Variants in TRPC4 observed in about 807,000 individuals in gnomAD.
TRPC4 encodes short transient receptor potential channel 4.
In TRPC4, 49 loss-of-function variants were observed where a neutral mutation model predicts 99.4. The ratio of observed to expected loss-of-function variants is 0.49; its 90% CI spans 0.39 to 0.63. The LOEUF (loss-of-function observed/expected upper bound fraction) is 0.63. TRPC4 is among the 20% of genes least tolerant of loss of function. TRPC4 has a pLI of 0.00. For synonymous variants in TRPC4, 454 were observed against 425.9 expected (o/e 1.07, Z -0.81); for missense variants, 898 against 1,152.9 (o/e 0.78, Z 3.20).
chr13:37,641,196 AG>A (rs1951706124), intron 8 of TRPC4, among the ~76,000 whole-genome samples: 1 of 152,196 alleles, frequency 6.6e-6, no homozygotes, highest in Non-Finnish European at 1.5e-5. Flanking sequence ...AAATATAAAA[AG>A]GTCAAAGACT....
At chr13:37,825,863 G>A (rs954965800) in intron 1 of TRPC4, among the ~76,000 whole-genome samples, 117 of 151,374 alleles carry the variant, frequency 7.7e-4, no homozygotes, top group African/African-American at 2.8e-3. Flanking sequence ...GTCTAATGTT[G>A]ACAGTGGGGT....
intron 1 of TRPC4, among the ~76,000 whole-genome samples, chr13:37,836,205 C>G (rs1041230988): frequency 2.6e-5 from 4 of 152,172 alleles, no homozygotes; most frequent in Non-Finnish European, 5.9e-5. Flanking sequence ...AAACCTCTTT[C>G]TTTTGTAAAT....
intron 2 of TRPC4, among the ~76,000 whole-genome samples, chr13:37,774,255 G>A (rs1471463459): frequency 6.6e-6 from 1 of 151,618 alleles, no homozygotes; most frequent in Non-Finnish European, 1.5e-5. Context: ...CACTCCTTCT[G>A]GGTGGGTTTT....
chr13:37,800,586 A>G (rs985176610), intron 1 of TRPC4, among the ~76,000 whole-genome samples: 14 of 152,130 alleles, frequency 9.2e-5, no homozygotes, highest in African/African-American at 3.1e-4. Context: ...GAAAATATGA[A>G]TGTATTACTG....
chr13:37,709,406 A>C (rs988228404), intron 3 of TRPC4, among the ~76,000 whole-genome samples: 2 of 152,046 alleles, frequency 1.3e-5, no homozygotes, highest in Non-Finnish European at 2.9e-5. Flanking sequence ...TACAGAATTA[A>C]TATTTAACAA....
intron 3 of TRPC4, among the ~76,000 whole-genome samples, chr13:37,729,890 G>C (rs1955188145): frequency 6.6e-6 from 1 of 152,060 alleles, no homozygotes. Context: ...GATGGAAGCA[G>C]TTCTAGAGTG....
At chr13:37,708,419 A>G (rs905610899) in intron 3 of TRPC4, among the ~76,000 whole-genome samples, 5 of 152,048 alleles carry the variant, frequency 3.3e-5, no homozygotes, top group African/African-American at 1.2e-4. Context: ...TAGTCAAAAT[A>G]TTTACTTATA....
Position 37,637,082 on chromosome 13 carries a change from G to C in TRPC4, c.2755C>G (p.Leu919Val), listed in dbSNP as rs747573040. Residue 919 changes from leucine (L) to valine (V), a missense_variant, in exon 11 of 11, where the codon CTG (leucine) becomes GTG (valine). Physicochemically the swap from Leu to Val is conservative, Grantham distance 32. Transcript: ENST00000379705. ...ACTCTCTTTCCTACCTGTAACCCCAGTGTGTCCGTATTCCTTTCTCTATGG... is the reference window on the plus strand; with the variant it reads ...ACTCTCTTTCCTACCTGTAACCCCACTGTGTCCGTATTCCTTTCTCTATGG... ...VDHRERNTDT[L>V]GLQVGKRVCP... 3.7e-6 allele frequency: 6 copies of C among 1,613,586 alleles called. No individual in the cohort carries two copies. In the Admixed American group the frequency reaches 1.0e-4, roughly 27 times the overall value.
chr13:37,812,191 A>AAAAAAAAAAAG (rs1282851092), intron 1 of TRPC4, among the ~76,000 whole-genome samples: 1 of 147,732 alleles, frequency 6.8e-6, no homozygotes, highest in Non-Finnish European at 1.5e-5. Flanking sequence ...AAAAAAAAAA[A>AAAAAAAAAAAG]AAAACCAGGA....
chr13:37,811,812 G>C (rs188805449), intron 1 of TRPC4, among the ~76,000 whole-genome samples: 81 of 152,070 alleles, frequency 5.3e-4, no homozygotes, highest in African/African-American at 1.7e-3. Flanking sequence ...TGCTTTGGTG[G>C]TAAGAAATAC....
intron 1 of TRPC4, among the ~76,000 whole-genome samples, chr13:37,809,206 T>A (rs1160671291): frequency 6.6e-6 from 1 of 152,088 alleles, no homozygotes; most frequent in East Asian, 1.9e-4. Context: ...CTTCCAATCC[T>A]TGGAAGGTTG....
Position 37,633,664 on chromosome 13 carries a change from G to A in TRPC4, c.*3239C>T, listed in dbSNP as rs142195396. Among the ~76,000 whole-genome samples, 3 of 152,068 alleles carry A rather than the reference G, an allele frequency of 2.0e-5. No individual in the cohort carries two copies. The highest frequency in any genetic ancestry group is 4.8e-5 in the African/African-American group (2 of 41,420). On this transcript the variant is annotated 3_prime_UTR_variant, in exon 11 of 11. Coordinates refer to ENST00000379705, the MANE Select transcript of TRPC4 (RefSeq NM_016179.4). The stretch of plus-strand genomic sequence containing the variant: ...CATCACTAAAGTATTTCAAGTTGCT[G>A]TCTACGTCAAGGCAAGAAAGTGAGT...
At chr13:37,741,833 C>G (rs7322652) in intron 3 of TRPC4, among the ~76,000 whole-genome samples, 6,573 of 151,592 alleles carry the variant, frequency 0.043, 491 homozygotes, top group African/African-American at 0.15. Context: ...ATGGTTAGAG[C>G]CAAGTTTTTG....
At chr13:37,854,020 G>A (rs943053669) in intron 1 of TRPC4, among the ~76,000 whole-genome samples, 2 of 151,962 alleles carry the variant, frequency 1.3e-5, no homozygotes, top group African/African-American at 2.4e-5. Flanking sequence ...TATTCAAAGG[G>A]GTAATATCCA....
intron 1 of TRPC4, among the ~76,000 whole-genome samples, chr13:37,861,514 T>C (rs1054901206): frequency 6.6e-6 from 1 of 151,644 alleles, no homozygotes; most frequent in African/African-American, 2.4e-5. Flanking sequence ...AAGCAGTTCT[T>C]ATTCTTCAGG....
intron 1 of TRPC4, among the ~76,000 whole-genome samples, chr13:37,865,979 C>T (rs1959716778): frequency 6.6e-6 from 1 of 151,690 alleles, no homozygotes; most frequent in African/African-American, 2.4e-5. Flanking sequence ...AATATTGGCC[C>T]ATTTTCCCTC....
At chr13:37,786,963 A>C (rs1436475472) in intron 1 of TRPC4, among the ~76,000 whole-genome samples, 1 of 152,062 alleles carries the variant, frequency 6.6e-6, no homozygotes, top group Non-Finnish European at 1.5e-5. Context: ...ACATTGATCC[A>C]AAGAGAAATT....
intron 3 of TRPC4, among the ~76,000 whole-genome samples, chr13:37,694,077 T>C (rs1486841753): frequency 6.6e-6 from 1 of 152,308 alleles, no homozygotes; most frequent in East Asian, 1.9e-4. Flanking sequence ...CACTGTTCTC[T>C]TTAAGAGTTT....
intron 2 of TRPC4, among the ~76,000 whole-genome samples, chr13:37,780,460 A>C (rs2139336773): frequency 6.6e-6 from 1 of 152,260 alleles, no homozygotes; most frequent in Non-Finnish European, 1.5e-5. Context: ...ATCTTTGGGC[A>C]TACCATGAGT....
Sources: gnomAD v4.1 joint callset for allele counts (sites outside exome capture counted in the v4.1 genomes callset) on GRCh38, gnomAD v4.1.1 for gene constraint, MANE v1.5 for transcripts, NCBI Gene and HGNC (gene_info 2026-07-23, HGNC 2026-07-21) for gene names.